RFX7: variants seen among roughly 807,000 people sequenced by gnomAD.
RFX7 encodes regulatory factor X7, also known as DNA-binding protein RFX7.
RFX7 carries 26 observed loss-of-function variants against 111.8 expected under a neutral mutation model. That is an observed-to-expected ratio of 0.23 (90% confidence interval 0.17 to 0.32). The LOEUF is 0.32. RFX7 is among the 10% of genes least tolerant of loss of function. The pLI, the probability that RFX7 is intolerant of heterozygous loss-of-function variation, is 1.00. For synonymous variants in RFX7, 624 were observed against 624.4 expected (o/e 1.00, Z 0.01); for missense variants, 1,573 against 1,772.9 (o/e 0.89, Z 2.02).
chr15:56,142,937 G>A, intron 4 of RFX7, 37 bp from the exon 5 acceptor site: 1 of 1,608,286 alleles, frequency 6.2e-7, no homozygotes, highest in Non-Finnish European at 8.5e-7. Context: ...TGACCAGACA[G>A]CAATTCATTA....
At chr15:56,233,371 C>T (rs1192295034) in intron 2 of RFX7, among the ~76,000 whole-genome samples, 3 of 152,116 alleles carry the variant, frequency 2.0e-5, no homozygotes, top group Non-Finnish European at 2.9e-5. Context: ...GGGAAAACTG[C>T]CCCCATGATT....
At chr15:56,189,789 A>G (rs1184893769) in intron 2 of RFX7, 1 of 152,240 alleles carries the variant, frequency 6.6e-6, no homozygotes, top group African/African-American at 2.4e-5. Flanking sequence ...GGAATGTGAA[A>G]GGCAAAACCA....
intron 3 of RFX7, among the ~76,000 whole-genome samples, chr15:56,167,247 A>AGGCT (rs2042793804): frequency 6.6e-6 from 1 of 152,116 alleles, no homozygotes; most frequent in Admixed American, 6.6e-5. Context: ...CAGGAATTTG[A>AGGCT]GGCTGCAGTG....
In RFX7 at chr15:56,095,906, C is replaced by G; in HGVS notation, c.1822G>C (p.Glu608Gln). ...QRTKCKSRCN[E>Q]MLPGTSTGNN... The stretch of plus-strand genomic sequence containing the variant: ...CCTGTTGACGTGCCTGGCAGCATTT[C>G]ATTACAGCGACTTTTACATTTGGTC... The change falls in exon 10 of 10, where the codon GAA becomes CAA. Residue 608 changes from glutamate (E) to glutamine (Q), a missense_variant. Transcript: ENST00000559447. 1 of 1,605,388 alleles carries G rather than the reference C, an allele frequency of 6.2e-7. No individual in the cohort carries two copies. The highest frequency in any genetic ancestry group is 8.5e-7 in the Non-Finnish European group (1 of 1,179,810).
chr15:56,238,614 G>A (rs1311678531), intron 2 of RFX7, among the ~76,000 whole-genome samples: 3 of 152,038 alleles, frequency 2.0e-5, no homozygotes, highest in Non-Finnish European at 4.4e-5. Flanking sequence ...AGGCTTATGA[G>A]GTCTTGCCTG....
At chr15:56,237,381 A>C (rs1209520779) in intron 2 of RFX7, among the ~76,000 whole-genome samples, 1 of 152,228 alleles carries the variant, frequency 6.6e-6, no homozygotes, top group African/African-American at 2.4e-5. Context: ...CTTTGTATAT[A>C]GCAGATACTC....
intron 2 of RFX7, among the ~76,000 whole-genome samples, chr15:56,208,703 G>T (rs968745060): frequency 6.6e-6 from 1 of 152,054 alleles, no homozygotes; most frequent in African/African-American, 2.4e-5. Flanking sequence ...TAAATAAATA[G>T]AAATTATAAG....
Position 56,094,882 on chromosome 15 carries a change from G to T in RFX7, c.2846C>A (p.Thr949Lys). Residue 949 changes from threonine to lysine, a missense_variant, in exon 10 of 10, where the codon ACA becomes AAA. This residue lies in a region of RFX7 where 625 missense variants were observed against 632.2 expected (regional missense o/e 0.99). Coordinates refer to ENST00000559447, the MANE Select transcript of RFX7 (RefSeq NM_022841.7). ...HSNGTPIHTP[T>K]PTPTPTPTPT... The stretch of plus-strand genomic sequence containing the variant: ...AGTAGGAGTGGGTGTGGGTGTGGGT[G>T]TGGGTGTGTGGATTGGAGTGCCATT... 6.4e-7 allele frequency: 1 copy of T among 1,558,898 alleles called. No individual in the cohort carries two copies. The highest frequency in any genetic ancestry group is 8.7e-7 in the Non-Finnish European group (1 of 1,151,814).
rs537117227 is a variant in RFX7 at position 56,205,907 on chromosome 15, A to C, written c.162-26604T>G. 2.8e-4 allele frequency among the ~76,000 whole-genome samples: 42 copies of C among 152,342 alleles called. 1 individual carries two copies. The South Asian group carries it at 8.7e-3, about 32-fold the overall frequency. Reference sequence around the variant, plus strand: ...ACATCCATTAGGATAGCTACTATTAAAAATAAAAATTATATAAAAACCCAG... The same window carrying C: ...ACATCCATTAGGATAGCTACTATTACAAATAAAAATTATATAAAAACCCAG... On this transcript the variant is annotated intron_variant, in intron 2 of 9. Transcript: ENST00000559447.
intron 5 of RFX7, among the ~76,000 whole-genome samples, chr15:56,114,886 C>T (rs939336037): frequency 5.9e-5 from 9 of 152,132 alleles, no homozygotes; most frequent in Admixed American, 3.3e-4. Flanking sequence ...ATGAAGTCAT[C>T]TGATAAATCC....
chr15:56,165,183 G>A (rs1438379558), intron 3 of RFX7, among the ~76,000 whole-genome samples: 1 of 152,208 alleles, frequency 6.6e-6, no homozygotes, highest in Non-Finnish European at 1.5e-5. Context: ...AGTAATGCTT[G>A]CTCGCCTGCT....
rs149759477 is a variant in RFX7, at chr15:56,219,525, C to T, written c.161+23600G>A. ...AGCTTTTTTAACCCTTACCCTCTAC[C>T]CTCAAGTAGGACCTAGTGTCTGTTG... is the stretch of plus-strand genomic sequence containing the variant. On this transcript the variant is annotated intron_variant, in intron 2 of 9. Coordinates refer to ENST00000559447, the MANE Select transcript of RFX7 (RefSeq NM_022841.7). Among the ~76,000 whole-genome samples, 568 of 152,230 alleles carry T rather than the reference C, an allele frequency of 3.7e-3. 5 individuals are homozygous for T. The highest frequency in any genetic ancestry group is 0.013 in the African/African-American group (548 of 41,528).
At chr15:56,137,458 G>T (rs552231813) in intron 5 of RFX7, among the ~76,000 whole-genome samples, 1 of 152,132 alleles carries the variant, frequency 6.6e-6, no homozygotes, top group Non-Finnish European at 1.5e-5. Context: ...GATTGGTGGT[G>T]ATATCCCCTT....
At chr15:56,157,037 A>G (rs1031457700) in intron 3 of RFX7, among the ~76,000 whole-genome samples, 2 of 152,204 alleles carry the variant, frequency 1.3e-5, no homozygotes, top group Admixed American at 1.3e-4. Context: ...GAGAACCACA[A>G]TGTTCAAGGA....
Position 56,142,899 on chromosome 15 carries a change from C to A in RFX7, c.280G>T (p.Asp94Tyr). 1.9e-6 allele frequency: 3 copies of A among 1,613,272 alleles called. No homozygotes were observed. The highest frequency in any genetic ancestry group is 1.1e-5 in the South Asian group (1 of 90,950). The change falls in exon 5 of 10, where the codon GAT becomes TAT. Residue 94 changes from aspartate (D) to tyrosine (Y), a missense_variant and splice_region_variant. This residue lies in a region of RFX7 where 191 missense variants were observed against 194.2 expected (regional missense o/e 0.98). Transcript: ENST00000559447. ...PSGLSNGEKS[D>Y]QNAMSSSRAQ... ...CGACTAGATGACATGGCATTCTGATCACTAATAGAATGAAAACATGTTTTA... is the reference window on the plus strand; with the variant it reads ...CGACTAGATGACATGGCATTCTGATAACTAATAGAATGAAAACATGTTTTA...
chr15:56,187,360 G>A (rs1452389108), intron 2 of RFX7, among the ~76,000 whole-genome samples: 1 of 151,894 alleles, frequency 6.6e-6, no homozygotes, highest in African/African-American at 2.4e-5. Context: ...ACAGGCGCAT[G>A]TTGCCACACC....
At chr15:56,209,658 T>C (rs1430076040) in intron 2 of RFX7, among the ~76,000 whole-genome samples, 2 of 152,032 alleles carry the variant, frequency 1.3e-5, no homozygotes, top group Non-Finnish European at 2.9e-5. Context: ...ATGACAGTAG[T>C]AATATAAGAA....
intron 3 of RFX7, among the ~76,000 whole-genome samples, chr15:56,166,336 G>A (rs1396052698): frequency 2.0e-5 from 3 of 152,098 alleles, no homozygotes; most frequent in Non-Finnish European, 4.4e-5. Flanking sequence ...TTGCTAAAGG[G>A]AACCAAAATA....
intron 5 of RFX7, among the ~76,000 whole-genome samples, chr15:56,140,373 G>A (rs1440291886): frequency 1.3e-5 from 2 of 151,640 alleles, no homozygotes; most frequent in African/African-American, 4.8e-5. Flanking sequence ...GGAGTGACCC[G>A]ATTTTCCAGG....
Sources: allele counts gnomAD v4.1 joint callset (sites outside exome capture counted in the v4.1 genomes callset), GRCh38; gene constraint gnomAD v4.1.1; regional missense constraint gnomAD v4.1.1; transcripts MANE v1.5; gene names NCBI Gene and HGNC (gene_info 2026-07-23, HGNC 2026-07-21).